CLASP1: variants seen among roughly 807,000 people sequenced by gnomAD.
CLASP1 encodes the protein cytoplasmic linker associated protein 1.
CLASP1 carries 38 observed loss-of-function variants against 192.3 expected under a neutral mutation model. That is an observed-to-expected ratio of 0.20 (90% confidence interval 0.15 to 0.26). CLASP1 has a LOEUF of 0.26. Ranked by LOEUF, CLASP1 falls within the 10% of genes least tolerant of loss-of-function variation. The probability of loss-of-function intolerance (pLI) is 1.00; values close to 1 mark genes in which losing one functional copy is unlikely to be tolerated. For missense variants in CLASP1, 1,433 were observed against 1,932.5 expected, an observed-to-expected ratio of 0.74 and a Z score of 4.85; for synonymous variants, 691 against 712.8, an observed-to-expected ratio of 0.97 and a Z score of 0.49.
intron 2 of CLASP1, among the ~76,000 whole-genome samples, chr2:121,577,948 A>G (rs1378784615): frequency 1.3e-5 from 2 of 151,990 alleles, no homozygotes; most frequent in Non-Finnish European, 2.9e-5. Flanking sequence ...TAATTGACTG[A>G]TTGAGAAAGA....
rs150502132 is a variant in CLASP1, at chr2:121,628,242, G to A, written c.-286+21130C>T. 2.1e-3 allele frequency among the ~76,000 whole-genome samples: 315 copies of A among 152,170 alleles called. 2 individuals are homozygous for A. The highest frequency in any genetic ancestry group is 7.0e-3 in the African/African-American group (292 of 41,516). ...TGGGTTGTACTACATACAGCAGCTC[G>A]GTTTCCAAAACGAGTTATGATTGCT... On this transcript the variant is annotated intron_variant, in intron 1 of 39. Transcript: ENST00000263710.
At chr2:121,558,582 T>A (rs953802117) in intron 2 of CLASP1, among the ~76,000 whole-genome samples, 6 of 152,074 alleles carry the variant, frequency 3.9e-5, no homozygotes, top group African/African-American at 1.4e-4. Context: ...TCACAGCCCC[T>A]CACCATGTAA....
chr2:121,599,168 T>C (rs1390786845), intron 2 of CLASP1, among the ~76,000 whole-genome samples: 1 of 152,042 alleles, frequency 6.6e-6, no homozygotes, highest in Non-Finnish European at 1.5e-5. Flanking sequence ...TGGCCGTATT[T>C]TTTTTTAATA....
intron 1 of CLASP1, among the ~76,000 whole-genome samples, chr2:121,616,566 A>C (rs1476694714): frequency 6.6e-6 from 1 of 152,242 alleles, no homozygotes; most frequent in Non-Finnish European, 1.5e-5. Context: ...GAAAGAAGGT[A>C]TGATAGTTTA....
intron 8 of CLASP1, among the ~76,000 whole-genome samples, chr2:121,493,243 ATAC>A (rs1456742947): frequency 6.6e-6 from 1 of 152,232 alleles, no homozygotes; most frequent in Non-Finnish European, 1.5e-5. Context: ...ACTTCAAATT[ATAC>A]TACTACCATT....
chr2:121,437,122 T>C (rs2082434414), intron 19 of CLASP1, among the ~76,000 whole-genome samples: 1 of 151,994 alleles, frequency 6.6e-6, no homozygotes, highest in African/African-American at 2.4e-5. Context: ...ACCACCATGC[T>C]TGGCTAACTG....
intron 34 of CLASP1, among the ~76,000 whole-genome samples, chr2:121,369,046 C>G (rs562266132): frequency 1.3e-5 from 2 of 152,340 alleles, no homozygotes; most frequent in East Asian, 3.9e-4. Context: ...ATGCTAGGTA[C>G]CTCAGATAAG....
At chr2:121,394,903 A>AT (rs984697862) in intron 30 of CLASP1, among the ~76,000 whole-genome samples, 2 of 152,136 alleles carry the variant, frequency 1.3e-5, no homozygotes, top group Non-Finnish European at 2.9e-5. Flanking sequence ...AAAAAAACAA[A>AT]TTTTTTTAGT....
At chr2:121,514,942 C>G (rs1040168620) in intron 7 of CLASP1, among the ~76,000 whole-genome samples, 1 of 152,186 alleles carries the variant, frequency 6.6e-6, no homozygotes, top group African/African-American at 2.4e-5. Flanking sequence ...GACAAAATGA[C>G]AGGCTCAGAT....
chr2:121,470,032 C>T, intron 8 of CLASP1, 72 bp from the exon 9 acceptor site: 3 of 1,177,816 alleles, frequency 2.5e-6, no homozygotes, highest in Non-Finnish European at 3.6e-6. Context: ...TATACTTTTT[C>T]ACCTGATTAT....
intron 1 of CLASP1, among the ~76,000 whole-genome samples, chr2:121,610,934 TACAGGAGGAAGAGGAACTGGAGGAGGA>T (rs2065298146): frequency 9.9e-6 from 1 of 101,332 alleles, no homozygotes; most frequent in East Asian, 2.9e-4. Flanking sequence ...GAGGAGGAGT[TACAGGAGGAAGAGGAACTGGAGGAGGA>T]GGAGGAGTTA....
Position 121,384,007 on chromosome 2 carries a change from TACACAC to T in CLASP1, c.3375-1689_3375-1684del, listed in dbSNP as rs771174974. Among the ~76,000 whole-genome samples the T allele has an allele frequency of 1.4e-3, 190 of 139,714 alleles. 1 individual carries two copies. The highest frequency in any genetic ancestry group is 2.3e-3 in the Non-Finnish European group (149 of 64,912). 91.7% of individuals were successfully genotyped at this position (139,714 alleles called of 152,430 possible). A position where few individuals can be genotyped will look rare whatever the true frequency, so the allele number is the denominator to read the frequency against. On this transcript the variant is annotated intron_variant, in intron 32 of 39. Transcript: ENST00000263710. ...CACTGGTGAGATATATATATATATATACACACACACACACACACACACACATATATA... is the reference window on the plus strand; with the variant it reads ...CACTGGTGAGATATATATATATATATACACACACACACACACACATATATA...
intron 2 of CLASP1, among the ~76,000 whole-genome samples, chr2:121,547,261 C>T (rs933264891): frequency 6.6e-6 from 1 of 152,182 alleles, no homozygotes; most frequent in African/African-American, 2.4e-5. Flanking sequence ...AACTGAAAGC[C>T]TCTCTGCCAC....
intron 6 of CLASP1, among the ~76,000 whole-genome samples, chr2:121,516,507 G>A (rs1325766912): frequency 2.0e-5 from 3 of 152,190 alleles, no homozygotes; most frequent in East Asian, 1.9e-4. Context: ...GAAGTACGCC[G>A]GTCTGGCCAG....
chr2:121,384,007 T>TATATATATAC (rs1159284078), intron 32 of CLASP1, among the ~76,000 whole-genome samples: 2 of 139,694 alleles, frequency 1.4e-5, no homozygotes, highest in East Asian at 4.0e-4. Context: ...TATATATATA[T>TATATATATAC]ACACACACAC....
At chr2:121,543,544 T>C (rs1250317500) in intron 2 of CLASP1, among the ~76,000 whole-genome samples, 1 of 152,042 alleles carries the variant, frequency 6.6e-6, no homozygotes, top group Non-Finnish European at 1.5e-5. Flanking sequence ...GACCTACCTG[T>C]TCCTCTCTCC....
chr2:121,479,874 G>A (rs970194776), intron 8 of CLASP1, among the ~76,000 whole-genome samples: 3 of 152,172 alleles, frequency 2.0e-5, no homozygotes, highest in Admixed American at 1.3e-4. Flanking sequence ...AAAATTTCCA[G>A]CTTGGCTGGA....
At chr2:121,362,765 G>C (rs1456105745) in intron 37 of CLASP1, among the ~76,000 whole-genome samples, 4 of 152,226 alleles carry the variant, frequency 2.6e-5, no homozygotes, top group Non-Finnish European at 5.9e-5. Context: ...CCACTTATCT[G>C]GAGCAAGAAG....
chr2:121,394,580 T>A (rs545997565), intron 30 of CLASP1, among the ~76,000 whole-genome samples: 23 of 152,296 alleles, frequency 1.5e-4, no homozygotes, highest in African/African-American at 5.5e-4. Context: ...TAGGTGTGAA[T>A]CCTTTTATTA....
Sources: allele counts gnomAD v4.1 joint callset (sites outside exome capture counted in the v4.1 genomes callset), GRCh38; gene constraint gnomAD v4.1.1; transcripts MANE v1.5; gene names NCBI Gene and HGNC (gene_info 2026-07-23, HGNC 2026-07-21).